Variants in FARP1 observed in about 807,000 individuals in gnomAD.
The protein encoded by FARP1 is FERM, ARHGEF and pleckstrin domain-containing protein 1.
FARP1 carries 52 observed loss-of-function variants against 128.8 expected under a neutral mutation model. That is an observed-to-expected ratio of 0.40 (90% CI 0.32 to 0.51). The LOEUF (loss-of-function observed/expected upper bound fraction) is 0.51. Ranked by LOEUF, FARP1 falls within the 20% of genes least tolerant of loss-of-function variation. The pLI is 0.45. For synonymous variants in FARP1, 580 were observed against 551.8 expected (o/e 1.05, Z -0.72); for missense variants, 1,333 against 1,367.9 (o/e 0.97, Z 0.40).
chr13:98,294,744 T>C (rs191198019), intron 2 of FARP1, among the ~76,000 whole-genome samples: 191 of 152,256 alleles, frequency 1.3e-3, no homozygotes, highest in African/African-American at 4.4e-3. Context: ...AGGCCAGGCA[T>C]GGTGGCTCAT....
intron 2 of FARP1, among the ~76,000 whole-genome samples, chr13:98,325,772 C>T (rs757729665): frequency 5.3e-5 from 8 of 152,196 alleles, no homozygotes; most frequent in Non-Finnish European, 8.8e-5. Flanking sequence ...ATAAGAAAGT[C>T]TTTGTGGCTG....
intron 6 of FARP1, 44 bp downstream of exon 6, chr13:98,377,962 A>T (rs374586048): frequency 7.3e-7 from 1 of 1,362,086 alleles, no homozygotes; most frequent in Non-Finnish European, 1.0e-6. Context: ...TCAAAATAAC[A>T]CAGTGATCTG....
At chr13:98,231,954 A>T (rs749127814) in intron 2 of FARP1, among the ~76,000 whole-genome samples, 1 of 151,918 alleles carries the variant, frequency 6.6e-6, no homozygotes, top group Non-Finnish European at 1.5e-5. Flanking sequence ...CAGCCTCCCA[A>T]GTAGCTGGGA....
intron 6 of FARP1, among the ~76,000 whole-genome samples, chr13:98,378,957 TA>T (rs1254496366): frequency 2.1e-5 from 2 of 96,684 alleles, no homozygotes; most frequent in Non-Finnish European, 3.9e-5. Context: ...AATATATATA[TA>T]ATATATACAA....
intron 2 of FARP1, among the ~76,000 whole-genome samples, chr13:98,252,870 C>T (rs372219094): frequency 2.4e-4 from 37 of 152,320 alleles, no homozygotes; most frequent in African/African-American, 8.4e-4. Flanking sequence ...ATATATCTGC[C>T]TCAGATTCTC....
chr13:98,256,953 A>G (rs1051833093), intron 2 of FARP1, among the ~76,000 whole-genome samples: 9,263 of 48,632 alleles, frequency 0.19, 1,404 homozygotes, highest in East Asian at 0.35. Flanking sequence ...ATGTGGATAT[A>G]TATATATATA....
At chr13:98,304,989 A>G (rs1274067400) in intron 2 of FARP1, among the ~76,000 whole-genome samples, 1 of 152,198 alleles carries the variant, frequency 6.6e-6, no homozygotes, top group Non-Finnish European at 1.5e-5. Context: ...TGTTGAGTAG[A>G]GAAGTATTAG....
intron 1 of FARP1, among the ~76,000 whole-genome samples, chr13:98,166,050 T>C (rs1254401688): frequency 1.3e-5 from 2 of 152,330 alleles, no homozygotes; most frequent in African/African-American, 4.8e-5. Flanking sequence ...ACATTTAGCA[T>C]GAATAGTAGC....
At chr13:98,445,073 C>T (rs905976357) in intron 24 of FARP1, 7 of 152,308 alleles carry the variant, frequency 4.6e-5, no homozygotes, top group Non-Finnish European at 8.8e-5. Flanking sequence ...CCATGTCTCC[C>T]ACTGGACCCT....
intron 2 of FARP1, among the ~76,000 whole-genome samples, chr13:98,283,189 A>G (rs1255793327): frequency 2.0e-5 from 3 of 152,218 alleles, no homozygotes; most frequent in Non-Finnish European, 4.4e-5. Context: ...ATATGCTTTG[A>G]AAGTGGCTTT....
chr13:98,257,741 G>T (rs1382829328), intron 2 of FARP1, among the ~76,000 whole-genome samples: 1 of 152,106 alleles, frequency 6.6e-6, no homozygotes, highest in African/African-American at 2.4e-5. Context: ...CTGCACTCCA[G>T]CCTGGATGAC....
intron 3 of FARP1, among the ~76,000 whole-genome samples, chr13:98,360,407 G>T (rs1888823297): frequency 6.6e-6 from 1 of 152,162 alleles, no homozygotes; most frequent in African/African-American, 2.4e-5. Flanking sequence ...CTGAAGAGGT[G>T]ATTAAGTTAA....
intron 2 of FARP1, among the ~76,000 whole-genome samples, chr13:98,334,712 A>G (rs1332032471): frequency 6.6e-6 from 1 of 152,220 alleles, no homozygotes; most frequent in Non-Finnish European, 1.5e-5. Flanking sequence ...AAATGAGGTC[A>G]TGAAGATGGA....
chr13:98,350,701 T>G (rs1203162855), intron 3 of FARP1, among the ~76,000 whole-genome samples: 5 of 152,180 alleles, frequency 3.3e-5, no homozygotes, highest in Admixed American at 3.3e-4. Context: ...CTCTGTACTT[T>G]TTAATTTTCT....
chr13:98,316,112 A>G (rs1396735865), intron 2 of FARP1, among the ~76,000 whole-genome samples: 3 of 152,172 alleles, frequency 2.0e-5, no homozygotes, highest in African/African-American at 7.2e-5. Context: ...GTTTGTGAAC[A>G]TTTGACTGCA....
chr13:98,180,018 G>A (rs1878397116), intron 1 of FARP1, among the ~76,000 whole-genome samples: 1 of 152,128 alleles, frequency 6.6e-6, no homozygotes, highest in Non-Finnish European at 1.5e-5. Flanking sequence ...CCGGGCTAGG[G>A]AAAGGGTAGC....
chr13:98,198,261 G>A (rs1294077589), intron 1 of FARP1, among the ~76,000 whole-genome samples: 2 of 152,194 alleles, frequency 1.3e-5, no homozygotes, highest in African/African-American at 4.8e-5. Flanking sequence ...AGTTGATCCT[G>A]CTGTCTTTGT....
intron 1 of FARP1, among the ~76,000 whole-genome samples, chr13:98,190,931 G>C (rs1879188972): frequency 6.6e-6 from 1 of 152,098 alleles, no homozygotes; most frequent in East Asian, 1.9e-4. Context: ...GGTAGTCCTT[G>C]ACTCCAGAAT....
At chr13:98,214,299 C>T (rs1207478235) in intron 2 of FARP1, among the ~76,000 whole-genome samples, 1 of 151,994 alleles carries the variant, frequency 6.6e-6, no homozygotes, top group Non-Finnish European at 1.5e-5. Context: ...AGCAGCAGGC[C>T]CACTCCCTCT....
Sources: gnomAD v4.1 joint callset for allele counts (sites outside exome capture counted in the v4.1 genomes callset) on GRCh38, gnomAD v4.1.1 for gene constraint, MANE v1.5 for transcripts, NCBI Gene and HGNC (gene_info 2026-07-23, HGNC 2026-07-21) for gene names.